The following CREBBP variants were observed in gnomAD, a reference collection of about 807,000 sequenced individuals.
The protein encoded by CREBBP is CREB binding lysine acetyltransferase.
Under a neutral mutation model 265.0 loss-of-function variants are expected in CREBBP, and 19 were observed. That is an observed-to-expected ratio of 0.07 (90% CI 0.05 to 0.11). The LOEUF is 0.11. CREBBP is among the 10% of genes least tolerant of loss of function. The pLI, the probability that CREBBP is intolerant of heterozygous loss-of-function variation, is 1.00. For synonymous variants in CREBBP, 1,457 were observed against 1,223.7 expected, an observed-to-expected ratio of 1.19 and a Z score of -3.98; for missense variants, 2,525 against 3,219.0, an observed-to-expected ratio of 0.78 and a Z score of 5.22.
intron 2 of CREBBP, among the ~76,000 whole-genome samples, chr16:3,825,449 C>G (rs2065773394): frequency 6.6e-6 from 1 of 152,126 alleles, no homozygotes; most frequent in African/African-American, 2.4e-5. Context: ...GAAGTATGGC[C>G]TTGGAATTGC....
At chr16:3,737,288 C>T (rs565402383) in intron 26 of CREBBP, among the ~76,000 whole-genome samples, 2 of 152,264 alleles carry the variant, frequency 1.3e-5, no homozygotes, top group African/African-American at 2.4e-5. Context: ...GTACAGAAAC[C>T]AAGGGCTAGA....
At position 3,736,722 on chromosome 16, in the gene CREBBP, T is replaced by G; in HGVS notation, c.4488A>C (p.Pro1496=). The G allele has an allele frequency of 6.2e-7, 1 of 1,614,222 alleles. No individual in the cohort carries two copies. The highest frequency in any genetic ancestry group is 8.5e-7 in the Non-Finnish European group (1 of 1,180,040). ...TTTTGTACCACTCCTGCAGTCGTTT[T>G]GGCTTGGGTATTTTTTGATCAGGTG... ...CHPPDQKIPK[P]KRLQEWYKKM... is the part of the protein sequence containing the mutation. The change falls in exon 27 of 31, where the codon CCA becomes CCC. Residue 1496 remains proline, a synonymous_variant. Transcript: ENST00000262367.
chr16:3,769,136 G>C (rs199594207), intron 15 of CREBBP, 38 bp downstream of exon 15: 2 of 1,611,846 alleles, frequency 1.2e-6, no homozygotes, highest in Admixed American at 1.7e-5. Context: ...GTAAAGTTGC[G>C]ATACGCAGTC....
chr16:3,730,782 G>C lies in CREBBP; in HGVS notation c.5172+410C>G, dbSNP rs1020451932. Among the ~76,000 whole-genome samples, 3 of 152,182 alleles carry C rather than the reference G, an allele frequency of 2.0e-5. 1 individual carries two copies. Among genetic ancestry groups the C allele is most frequent in the African/African-American group, 7.2e-5 (3 of 41,452 alleles). On this transcript the variant is annotated intron_variant, in intron 30 of 30. Coordinates refer to ENST00000262367, the MANE Select transcript of CREBBP (RefSeq NM_004380.3). ...ACAGCCTGACTCGGCCCATGCAAGG[G>C]ACACCCACGTCATTTCACAGGGGGG...
intron 26 of CREBBP, among the ~76,000 whole-genome samples, chr16:3,738,063 G>T (rs1036131954): frequency 7.2e-5 from 11 of 152,104 alleles, no homozygotes; most frequent in Admixed American, 2.0e-4. Context: ...TGAGATTACA[G>T]GTGTGAGCCA....
intron 2 of CREBBP, among the ~76,000 whole-genome samples, chr16:3,831,247 C>T (rs2141414085): frequency 6.6e-6 from 1 of 152,198 alleles, no homozygotes; most frequent in East Asian, 1.9e-4. Context: ...TATTTAAAAG[C>T]TAAACACACT....
chr16:3,769,152 A>G (rs1236594577), intron 15 of CREBBP, 22 bp downstream of exon 15: 1 of 1,613,640 alleles, frequency 6.2e-7, no homozygotes, highest in Admixed American at 1.7e-5. Context: ...CAGTCAATGC[A>G]TTCCTAGGGA....
intron 19 of CREBBP, among the ~76,000 whole-genome samples, chr16:3,755,195 C>T (rs991368937): frequency 2.6e-5 from 4 of 152,174 alleles, no homozygotes; most frequent in Non-Finnish European, 4.4e-5. Context: ...ACTTTATATG[C>T]CATCAATGAC....
intron 16 of CREBBP, chr16:3,761,418 C>G: frequency 2.3e-6 from 1 of 436,888 alleles, no homozygotes; most frequent in East Asian, 7.3e-5. Context: ...TTGACAAATT[C>G]TGGAAAGCGT....
intron 19 of CREBBP, among the ~76,000 whole-genome samples, chr16:3,755,047 C>T (rs774788763): frequency 1.3e-5 from 2 of 152,200 alleles, no homozygotes; most frequent in African/African-American, 2.4e-5. Flanking sequence ...TACGCCTACG[C>T]TTTAAAAATT....
chr16:3,751,879 C>A, intron 19 of CREBBP, 73 bp from the exon 20 acceptor site: 1 of 1,437,892 alleles, frequency 7.0e-7, no homozygotes, highest in Non-Finnish European at 9.8e-7. Flanking sequence ...ACGAAGCCAC[C>A]AATCAGAGCA....
At chr16:3,785,095 A>C (rs559372239) in intron 5 of CREBBP, among the ~76,000 whole-genome samples, 1 of 152,338 alleles carries the variant, frequency 6.6e-6, no homozygotes, top group African/African-American at 2.4e-5. Context: ...AAATGACACA[A>C]ATACTGAAGG....
chr16:3,850,239 C>T lies in CREBBP; in HGVS notation c.798+58G>A, dbSNP rs980552808. 25 of 1,584,198 alleles carry T rather than the reference C, an allele frequency of 1.6e-5. No homozygotes were observed. In the African/African-American group the frequency reaches 2.2e-4, roughly 14 times the overall value. On this transcript the variant is annotated intron_variant, in intron 2 of 30. Transcript: ENST00000262367. ...CCACGTGGTCCCATTTTACGCATTA[C>T]TCGGAGGGAAAGCCCGCGGTTAGGT...
At chr16:3,769,701 G>T (rs1322303518) in intron 14 of CREBBP, among the ~76,000 whole-genome samples, 1 of 152,140 alleles carries the variant, frequency 6.6e-6, no homozygotes. Context: ...ATGGTAAAAG[G>T]CTGAATTATG....
chr16:3,750,105 A>G (rs73493523), intron 20 of CREBBP, among the ~76,000 whole-genome samples: 1,944 of 152,016 alleles, frequency 0.013, 43 homozygotes, highest in African/African-American at 0.045. Flanking sequence ...CCAAGGCTGA[A>G]CTCAAACTCA....
At chr16:3,762,947 T>C (rs2052758686) in intron 16 of CREBBP, among the ~76,000 whole-genome samples, 2 of 152,098 alleles carry the variant, frequency 1.3e-5, no homozygotes, top group South Asian at 4.2e-4. Context: ...GCTAATTTTT[T>C]GTACTTTTAG....
At chr16:3,756,704 C>T (rs1009253967) in intron 19 of CREBBP, among the ~76,000 whole-genome samples, 14 of 152,330 alleles carry the variant, frequency 9.2e-5, no homozygotes, top group Middle Eastern at 3.4e-3. Context: ...GGAAGCAGCA[C>T]TCATGCAAGT....
intron 2 of CREBBP, among the ~76,000 whole-genome samples, chr16:3,839,131 A>G (rs2054514668): frequency 6.6e-6 from 1 of 152,222 alleles, no homozygotes; most frequent in African/African-American, 2.4e-5. Flanking sequence ...TCCTCATTTA[A>G]AAGCCAAAAA....
intron 2 of CREBBP, among the ~76,000 whole-genome samples, chr16:3,833,205 G>T (rs975928384): frequency 1.3e-5 from 2 of 152,234 alleles, no homozygotes; most frequent in Non-Finnish European, 2.9e-5. Flanking sequence ...CTGAGGTGAG[G>T]AGTTCGAGAC....
Sources: allele counts gnomAD v4.1 joint callset (sites outside exome capture counted in the v4.1 genomes callset), GRCh38; gene constraint gnomAD v4.1.1; transcripts MANE v1.5; gene names NCBI Gene and HGNC (gene_info 2026-07-23, HGNC 2026-07-21).